PRMT8: variants seen among roughly 807,000 people sequenced by gnomAD.
PRMT8 encodes protein arginine N-methyltransferase 8.
In PRMT8, 7 loss-of-function variants were observed where a neutral mutation model predicts 47.1. That is an observed-to-expected ratio of 0.15 (90% confidence interval 0.08 to 0.28). The LOEUF (loss-of-function observed/expected upper bound fraction) is 0.28, where lower values mean the gene tolerates loss of function less well. PRMT8 is among the 10% of genes least tolerant of loss of function. PRMT8 has a pLI of 1.00. For missense variants in PRMT8, 237 were observed against 505.4 expected, an observed-to-expected ratio of 0.47 and a Z score of 5.09; for synonymous variants, 188 against 186.5, an observed-to-expected ratio of 1.01 and a Z score of -0.07.
At chr12:3,483,253 G>A (rs543681008) in intron 1 of PRMT8, among the ~76,000 whole-genome samples, 1 of 152,144 alleles carries the variant, frequency 6.6e-6, no homozygotes, top group Non-Finnish European at 1.5e-5. Flanking sequence ...TCCCGTCTGC[G>A]AGGCCCTAGG....
At chr12:3,556,376 T>C (rs1866527972) in intron 4 of PRMT8, among the ~76,000 whole-genome samples, 1 of 151,776 alleles carries the variant, frequency 6.6e-6, no homozygotes, top group South Asian at 2.1e-4. Context: ...GAAGATGCAG[T>C]CGGTTGAAGG....
chr12:3,564,385 T>C lies in PRMT8; in HGVS notation c.482-4321T>C, dbSNP rs1174574856. Among the ~76,000 whole-genome samples, 1 of 152,196 alleles carries C rather than the reference T, an allele frequency of 6.6e-6. No homozygotes were observed. Among genetic ancestry groups the C allele is most frequent in the African/African-American group, 2.4e-5 (1 of 41,446 alleles). On this transcript the variant is annotated intron_variant, in intron 4 of 9. Transcript: ENST00000382622. The surrounding 1 kb of genome is among the most constrained non-coding windows in gnomAD (Gnocchi z 4.0). ...ACTGGAGGCTCAAATGAGGTTGAGC[T>C]GGCCTGATTTGTTTAAAAACAAAAA... is the stretch of plus-strand genomic sequence containing the variant.
chr12:3,483,775 A>G (rs890964608), intron 1 of PRMT8, among the ~76,000 whole-genome samples: 1 of 152,252 alleles, frequency 6.6e-6, no homozygotes. Flanking sequence ...TGAGTCAAAG[A>G]ACAATTTTTT....
intron 1 of PRMT8, among the ~76,000 whole-genome samples, chr12:3,411,224 C>T (rs1481164884): frequency 6.6e-6 from 1 of 152,234 alleles, no homozygotes; most frequent in East Asian, 1.9e-4. Flanking sequence ...AGCTCATTCA[C>T]TTCTCAGCTC....
chr12:3,570,223 C>G lies in PRMT8; in HGVS notation c.712+659C>G, dbSNP rs1441850335. Among the ~76,000 whole-genome samples, 2 of 152,130 alleles carry G rather than the reference C, an allele frequency of 1.3e-5. No homozygotes were observed. Among genetic ancestry groups the G allele is most frequent in the Non-Finnish European group, 2.9e-5 (2 of 68,032 alleles). On this transcript the variant is annotated intron_variant, in intron 6 of 9. Transcript: ENST00000382622. This position sits in a 1 kb window ranked among gnomAD's most constrained non-coding sequence, Gnocchi z 5.5. ...TGAGAACAATAAAGCCAAAAAACTTCTCCTCCCCCGCAATGTTTTACCTGG... is the reference window on the plus strand; with the variant it reads ...TGAGAACAATAAAGCCAAAAAACTTGTCCTCCCCCGCAATGTTTTACCTGG...
At chr12:3,465,059 G>A (rs1865078890) in intron 1 of PRMT8, among the ~76,000 whole-genome samples, 1 of 149,770 alleles carries the variant, frequency 6.7e-6, no homozygotes, top group African/African-American at 2.5e-5. Context: ...AGGTTGCAGT[G>A]AGCAGAGATT....
intron 1 of PRMT8, among the ~76,000 whole-genome samples, chr12:3,433,705 G>A (rs1352877034): frequency 1.3e-5 from 2 of 152,132 alleles, no homozygotes; most frequent in Non-Finnish European, 2.9e-5. Flanking sequence ...TCGGCCTCCC[G>A]GGTTCAAGCA....
At position 3,529,061 on chromosome 12, in the gene PRMT8, G is replaced by T. The variant is rs141730204; in HGVS notation, c.76-11545G>T. Among the ~76,000 whole-genome samples the T allele has an allele frequency of 3.5e-4, 53 of 152,288 alleles. 2 individuals are homozygous for T. The South Asian group carries it at 8.9e-3, about 26-fold the overall frequency. On this transcript the variant is annotated intron_variant, in intron 1 of 9. Transcript: ENST00000382622. ...TTTTTTCACATCCATGGTTTGATCA[G>T]TCTCAGCTGAAGGCTTGCAGGGAAC... is the stretch of plus-strand genomic sequence containing the variant.
At chr12:3,559,948 G>C (rs1432932072) in intron 4 of PRMT8, among the ~76,000 whole-genome samples, 2 of 152,230 alleles carry the variant, frequency 1.3e-5, no homozygotes, top group African/African-American at 4.8e-5. Flanking sequence ...CGAGGCAAAG[G>C]CTTGAAGAGT....
Position 3,460,150 on chromosome 12 carries a change from G to A in PRMT8, c.48+78708G>A, listed in dbSNP as rs775022157. Among the ~76,000 whole-genome samples the A allele has an allele frequency of 3.9e-5, 6 of 152,178 alleles. 1 individual carries two copies. Among genetic ancestry groups the A allele is most frequent in the African/African-American group, 7.2e-5 (3 of 41,506 alleles). On this transcript the variant is annotated intron_variant, in intron 1 of 9. Coordinates refer to the PRMT8 transcript ENST00000452611. ...CAATCCCTCTGTTTTACACATAAGCGAACTAAGACACGAAGTGGCTTACCC... is the reference window on the plus strand; with the variant it reads ...CAATCCCTCTGTTTTACACATAAGCAAACTAAGACACGAAGTGGCTTACCC...
In PRMT8 at chr12:3,392,212, A is replaced by T. The variant is rs574663427; in HGVS notation, c.48+10770A>T. Among the ~76,000 whole-genome samples, 127 of 151,900 alleles carry T rather than the reference A, an allele frequency of 8.4e-4. 1 individual carries two copies. Among genetic ancestry groups the T allele is most frequent in the Middle Eastern group, 6.8e-3 (2 of 294 alleles). ...TTTATTTTTTTATTTTTATTTTTTT[A>T]AATTTATTATTATTATACTTTAAGT... On this transcript the variant is annotated intron_variant, in intron 1 of 9. Coordinates refer to the PRMT8 transcript ENST00000452611.
intron 4 of PRMT8, 137 bp from the exon 5 acceptor site, chr12:3,568,568 TA>T: frequency 1.1e-6 from 1 of 927,976 alleles, no homozygotes; most frequent in Non-Finnish European, 1.6e-6. Context: ...ACTAGTTTGG[TA>T]AAGGGTGAGC....
chr12:3,540,613 G>GGCCCCCCCCCCCCCCC lies in PRMT8; in HGVS notation c.83_84insGCCCCCCCCCCCCCCC (p.Ser28ArgfsTer19). The GGCCCCCCCCCCCCCCC allele has an allele frequency of 4.4e-6, 5 of 1,130,522 alleles. No individual in the cohort carries two copies. The highest frequency in any genetic ancestry group is 6.6e-6 in the Non-Finnish European group (5 of 752,492). 70.0% of individuals were successfully genotyped at this position (1,130,522 alleles called of 1,614,324 possible). ...CCCTTCTCTTCCCCTCAGGTGAACA[G>GGCCCCCCCCCCCCCCC]CCCCCCCTCCCAGCCCCCCCAGCCC... On this transcript the variant is annotated frameshift_variant, in exon 2 of 10. Coordinates refer to ENST00000382622, the MANE Select transcript of PRMT8 (RefSeq NM_019854.5). LOFTEE classifies it high-confidence loss of function.
chr12:3,587,833 A>C (rs1024582969), intron 8 of PRMT8, among the ~76,000 whole-genome samples: 8 of 152,226 alleles, frequency 5.3e-5, no homozygotes, highest in African/African-American at 1.9e-4. Flanking sequence ...AACACATCCC[A>C]TACCGCACAG....
rs971469175 is a variant in PRMT8, at chr12:3,553,780, G to A, written c.481+66G>A. The A allele has an allele frequency of 3.5e-6, 5 of 1,425,408 alleles. No homozygotes were observed. In the African/African-American group the frequency reaches 5.6e-5, roughly 16 times the overall value. 88.3% of individuals were successfully genotyped at this position (1,425,408 alleles called of 1,614,324 possible). A position where few individuals can be genotyped will look rare whatever the true frequency, so the allele number is the denominator to read the frequency against. On this transcript the variant is annotated intron_variant, in intron 4 of 9. Coordinates refer to ENST00000382622, the MANE Select transcript of PRMT8 (RefSeq NM_019854.5). The stretch of plus-strand genomic sequence containing the variant: ...ACGGGAAGCTCACACTTTCTTGTTG[G>A]GATGGCATAGCGGGAGGAGCGCAGA...
intron 1 of PRMT8, among the ~76,000 whole-genome samples, chr12:3,529,221 C>T (rs1261698922): frequency 6.6e-6 from 1 of 152,168 alleles, no homozygotes; most frequent in African/African-American, 2.4e-5. Context: ...TGCCTGGGTT[C>T]CTGTTCTCTG....
At position 3,416,518 on chromosome 12, in the gene PRMT8, G is replaced by C. The variant is rs548502353; in HGVS notation, c.48+35076G>C. Among the ~76,000 whole-genome samples, 32 of 152,338 alleles carry C rather than the reference G, an allele frequency of 2.1e-4. No homozygotes were observed. In the South Asian group the frequency reaches 6.0e-3, roughly 29 times the overall value. On this transcript the variant is annotated intron_variant, in intron 1 of 9. Coordinates refer to the PRMT8 transcript ENST00000452611. ...ATGTCTTGTATGAGGCAGGCACTAAGTAAACACTTGTGGAGTCACTGGTGG... is the reference window on the plus strand; with the variant it reads ...ATGTCTTGTATGAGGCAGGCACTAACTAAACACTTGTGGAGTCACTGGTGG...
chr12:3,538,272 C>T lies in PRMT8; in HGVS notation c.76-2334C>T, dbSNP rs1327093466. 1 of 167,004 alleles carries T rather than the reference C, an allele frequency of 6.0e-6. No homozygotes were observed. The highest frequency in any genetic ancestry group is 1.3e-5 in the Non-Finnish European group (1 of 77,202). The allele number at this position is 167,004 out of a possible 1,614,324, so 10.3% of individuals were successfully genotyped here. A position where few individuals can be genotyped will look rare whatever the true frequency, so the allele number is the denominator to read the frequency against. On this transcript the variant is annotated intron_variant, in intron 1 of 9. Transcript: ENST00000382622. The surrounding 1 kb of genome is among the most constrained non-coding windows in gnomAD (Gnocchi z 4.6). ...CTTGAACTTCTCTTGTAGAACAAAC[C>T]TTATTCCAGCATCTATCAGAGACAA...
chr12:3,498,302 C>T (rs1053782800), intron 1 of PRMT8, among the ~76,000 whole-genome samples: 9 of 152,144 alleles, frequency 5.9e-5, no homozygotes, highest in African/African-American at 1.7e-4. Flanking sequence ...TTTTCTAGTC[C>T]GCTAGGCTGC....
Sources: gnomAD v4.1 joint callset for allele counts (sites outside exome capture counted in the v4.1 genomes callset) on GRCh38, gnomAD v4.1.1 for gene constraint, Gnocchi (gnomAD v3.1) non-coding constraint, MANE v1.5 for transcripts, NCBI Gene and HGNC (gene_info 2026-07-23, HGNC 2026-07-21) for gene names.